CDK14: variants seen among roughly 807,000 people sequenced by gnomAD.
CDK14 encodes cyclin dependent kinase 14.
Under a neutral mutation model 60.7 loss-of-function variants are expected in CDK14, and 34 were observed. The ratio of observed to expected loss-of-function variants is 0.56; its 90% CI spans 0.43 to 0.75. The LOEUF (loss-of-function observed/expected upper bound fraction) is 0.75, where lower values mean the gene tolerates loss of function less well. Ranked by LOEUF, CDK14 falls within the 30% of genes least tolerant of loss-of-function variation. The pLI, the probability that CDK14 is intolerant of heterozygous loss-of-function variation, is 0.00. For synonymous variants in CDK14, 197 were observed against 203.7 expected, an observed-to-expected ratio of 0.97 and a Z score of 0.28; for missense variants, 482 against 564.1, an observed-to-expected ratio of 0.85 and a Z score of 1.47.
At chr7:91,068,321 C>T (rs1339827908) in intron 11 of CDK14, among the ~76,000 whole-genome samples, 1 of 152,222 alleles carries the variant, frequency 6.6e-6, no homozygotes, top group Non-Finnish European at 1.5e-5. Context: ...TCAGCTAATG[C>T]ACACCTTTAT....
chr7:90,783,507 A>G (rs113349274), intron 4 of CDK14, among the ~76,000 whole-genome samples: 2,332 of 152,254 alleles, frequency 0.015, 21 homozygotes, highest in Middle Eastern at 0.027. Context: ...ATACTTGCAA[A>G]CTGTTCAGCA....
intron 8 of CDK14, among the ~76,000 whole-genome samples, chr7:90,925,030 A>C (rs1017465688): frequency 6.6e-6 from 1 of 152,186 alleles, no homozygotes; most frequent in East Asian, 1.9e-4. Flanking sequence ...TTTTCAATAC[A>C]TGTCTGAAAA....
intron 5 of CDK14, among the ~76,000 whole-genome samples, chr7:90,796,666 C>A (rs575384354): frequency 7.0e-6 from 1 of 143,234 alleles, no homozygotes; most frequent in East Asian, 2.1e-4. Flanking sequence ...GTCTAAGGAG[C>A]AGGATCTTGT....
intron 10 of CDK14, among the ~76,000 whole-genome samples, chr7:90,990,216 T>C (rs1795490235): frequency 6.6e-6 from 1 of 152,172 alleles, no homozygotes; most frequent in South Asian, 2.1e-4. Flanking sequence ...AGTTCAAGGC[T>C]GCAGTGAGCT....
intron 2 of CDK14, among the ~76,000 whole-genome samples, chr7:90,649,260 C>CTTTG (rs1563029655): frequency 6.3e-4 from 27 of 42,910 alleles, no homozygotes; most frequent in African/African-American, 1.1e-3. Context: ...TTCTTTCTTT[C>CTTTG]TTTCTTTCTT....
At chr7:91,190,921 G>A (rs1217292443) in intron 14 of CDK14, among the ~76,000 whole-genome samples, 1 of 152,162 alleles carries the variant, frequency 6.6e-6, no homozygotes, top group Non-Finnish European at 1.5e-5. Context: ...TCAGTAAGAA[G>A]AGAAAGTGAG....
intron 5 of CDK14, among the ~76,000 whole-genome samples, chr7:90,799,224 G>A (rs943238376): frequency 3.1e-4 from 47 of 152,160 alleles, no homozygotes; most frequent in African/African-American, 1.1e-3. Flanking sequence ...AATGGTAGCA[G>A]TATAAATAGA....
chr7:91,145,891 A>G (rs1028798243), intron 14 of CDK14, among the ~76,000 whole-genome samples: 7 of 151,872 alleles, frequency 4.6e-5, no homozygotes, highest in African/African-American at 1.7e-4. Flanking sequence ...CAAGCCCTTT[A>G]AACTTCAAAG....
chr7:90,734,064 A>T (rs1175657688), intron 3 of CDK14, among the ~76,000 whole-genome samples: 5 of 152,168 alleles, frequency 3.3e-5, no homozygotes, highest in African/African-American at 1.2e-4. Context: ...TCCTTCCCTT[A>T]TGAAGCTTAG....
At chr7:90,622,945 C>CTTT (rs1440594211) in intron 2 of CDK14, among the ~76,000 whole-genome samples, 1 of 133,232 alleles carries the variant, frequency 7.5e-6, no homozygotes, top group African/African-American at 2.8e-5. Flanking sequence ...TTTTAGCACT[C>CTTT]TGAGTTTTTG....
intron 2 of CDK14, among the ~76,000 whole-genome samples, chr7:90,649,386 CTTCCTTCCTTCT>C (rs535806727): frequency 0.22 from 14,388 of 65,192 alleles, 3,081 homozygotes; most frequent in Non-Finnish European, 0.25. Context: ...TCCTTCCTTC[CTTCCTTCCTTCT>C]TTCTTTCTTT....
At chr7:90,708,889 C>T (rs571415635) in intron 2 of CDK14, among the ~76,000 whole-genome samples, 109 of 152,050 alleles carry the variant, frequency 7.2e-4, no homozygotes, top group South Asian at 1.7e-3. Context: ...TTCTGTGTAC[C>T]GAGGACAGGA....
chr7:90,911,157 T>C (rs1055304676), intron 7 of CDK14, among the ~76,000 whole-genome samples: 15 of 152,178 alleles, frequency 9.9e-5, no homozygotes, highest in African/African-American at 3.4e-4. Flanking sequence ...GTTAAATTAT[T>C]GAATGTGTAT....
intron 8 of CDK14, among the ~76,000 whole-genome samples, chr7:90,951,250 A>G (rs1794253049): frequency 6.6e-6 from 1 of 152,190 alleles, no homozygotes; most frequent in African/African-American, 2.4e-5. Context: ...GTGATTAACT[A>G]AGAGCAAGAC....
intron 10 of CDK14, among the ~76,000 whole-genome samples, chr7:91,038,655 CT>C (rs1796998812): frequency 6.6e-6 from 1 of 152,182 alleles, no homozygotes; most frequent in African/African-American, 2.4e-5. Context: ...GTGTAAAGGC[CT>C]TGTATCCACA....
intron 4 of CDK14, among the ~76,000 whole-genome samples, chr7:90,766,559 C>T (rs1276145663): frequency 6.6e-6 from 1 of 152,154 alleles, no homozygotes; most frequent in African/African-American, 2.4e-5. Flanking sequence ...GAATTCAGAT[C>T]CAGTTAGTCC....
At chr7:90,878,894 T>C (rs1312358759) in intron 6 of CDK14, among the ~76,000 whole-genome samples, 1 of 152,230 alleles carries the variant, frequency 6.6e-6, no homozygotes, top group Admixed American at 6.5e-5. Flanking sequence ...AATTTATACA[T>C]ATATGTATGT....
At chr7:91,175,313 A>C (rs1334815104) in intron 14 of CDK14, among the ~76,000 whole-genome samples, 1 of 152,210 alleles carries the variant, frequency 6.6e-6, no homozygotes, top group Non-Finnish European at 1.5e-5. Context: ...AGGAAGCACT[A>C]AACATGGAAA....
At chr7:90,630,087 C>A (rs12533167) in intron 2 of CDK14, among the ~76,000 whole-genome samples, 12 of 73,986 alleles carry the variant, frequency 1.6e-4, no homozygotes, top group South Asian at 5.3e-4. Context: ...CAAAACAAAA[C>A]ACCACACACA....
Sources: allele counts gnomAD v4.1 joint callset (sites outside exome capture counted in the v4.1 genomes callset), GRCh38; gene constraint gnomAD v4.1.1; transcripts MANE v1.5; gene names NCBI Gene and HGNC (gene_info 2026-07-23, HGNC 2026-07-21).